Variants in NPLOC4 observed in about 807,000 individuals in gnomAD.
NPLOC4 encodes the protein NPL4 homolog, ubiquitin recognition factor, also known as nuclear protein localization protein 4 homolog.
In NPLOC4, 18 loss-of-function variants were observed where a neutral mutation model predicts 80.6. The ratio of observed to expected loss-of-function variants is 0.22; its 90% CI spans 0.15 to 0.33. The LOEUF is 0.33. Ranked by LOEUF, NPLOC4 falls within the 10% of genes least tolerant of loss-of-function variation. The probability of loss-of-function intolerance (pLI) is 1.00; values close to 1 mark genes in which losing one functional copy is unlikely to be tolerated. For missense variants in NPLOC4, 540 were observed against 786.1 expected (o/e 0.69, Z 3.74); for synonymous variants, 313 against 301.5 (o/e 1.04, Z -0.39).
chr17:81,624,802 G>C (rs2035756384), intron 2 of NPLOC4, among the ~76,000 whole-genome samples: 1 of 152,190 alleles, frequency 6.6e-6, no homozygotes, highest in Non-Finnish European at 1.5e-5. Flanking sequence ...CACGCGAGCT[G>C]GGAGAAAAGG....
Position 81,605,020 on chromosome 17 carries a change from G to A in NPLOC4, c.655-293C>T, listed in dbSNP as rs541559459. Among the ~76,000 whole-genome samples, 319 of 152,158 alleles carry A rather than the reference G, an allele frequency of 2.1e-3. 5 individuals carry two copies. Among genetic ancestry groups the A allele is most frequent in the African/African-American group, 7.5e-3 (311 of 41,516 alleles). On this transcript the variant is annotated intron_variant, in intron 7 of 16. Transcript: ENST00000331134. ...TCACGCCTGTAATCCCAGCACTTTG[G>A]GAGGCCAAGGCGGGCGGATCATGAG...
intron 7 of NPLOC4, among the ~76,000 whole-genome samples, chr17:81,605,257 G>A (rs537744367): frequency 2.0e-5 from 3 of 149,070 alleles, no homozygotes; most frequent in African/African-American, 7.4e-5. Context: ...CTCCAGCCTG[G>A]GCGACAGAGC....
chr17:81,582,907 G>C (rs1383006195), intron 12 of NPLOC4, among the ~76,000 whole-genome samples: 1 of 152,252 alleles, frequency 6.6e-6, no homozygotes, highest in Non-Finnish European at 1.5e-5. Flanking sequence ...GTGAGCCACA[G>C]CCAGCCTCCC....
intron 1 of NPLOC4, among the ~76,000 whole-genome samples, chr17:81,635,867 T>C (rs914040061): frequency 9.9e-5 from 15 of 152,218 alleles, no homozygotes; most frequent in Admixed American, 2.6e-4. Flanking sequence ...CAGTTAGTTT[T>C]TTTCCCATCA....
intron 9 of NPLOC4, among the ~76,000 whole-genome samples, chr17:81,599,293 A>AAAAT (rs2035004852): frequency 1.3e-5 from 2 of 151,970 alleles, no homozygotes; most frequent in Middle Eastern, 3.4e-3. Flanking sequence ...CTCAAAAAAA[A>AAAAT]AAAATAAAAT....
At chr17:81,566,936 T>G (rs2034028728) in intron 15 of NPLOC4, 1 of 161,868 alleles carries the variant, frequency 6.2e-6, no homozygotes, top group Non-Finnish European at 1.4e-5. Context: ...CTCTTAAAAA[T>G]GCCAACTGTG....
chr17:81,617,626 G>A (rs1045470461), intron 3 of NPLOC4, among the ~76,000 whole-genome samples: 2 of 152,018 alleles, frequency 1.3e-5, no homozygotes, highest in African/African-American at 4.8e-5. Context: ...TGGCTAACAC[G>A]GTGAGATCCC....
At chr17:81,559,806 C>T (rs1039525438) in intron 16 of NPLOC4, among the ~76,000 whole-genome samples, 4 of 146,318 alleles carry the variant, frequency 2.7e-5, no homozygotes, top group African/African-American at 7.6e-5. Flanking sequence ...GATCTCGGCT[C>T]ACTGCAACCT....
At chr17:81,563,845 A>G in intron 16 of NPLOC4, 1 of 442,244 alleles carries the variant, frequency 2.3e-6, no homozygotes, top group East Asian at 7.2e-5. Context: ...TTCTAAGCAA[A>G]CTAATGCAGG....
Position 81,620,753 on chromosome 17 carries a change from G to A in NPLOC4, c.209+1413C>T, listed in dbSNP as rs116655809. 8.9e-3 allele frequency among the ~76,000 whole-genome samples: 1,350 copies of A among 152,284 alleles called. 20 individuals are homozygous for A. Among genetic ancestry groups the A allele is most frequent in the African/African-American group, 0.03 (1,264 of 41,560 alleles). The stretch of plus-strand genomic sequence containing the variant: ...CAAGAGCAGCGGGACAAGCGTGGTC[G>A]TGAGCTGAGAGTTCCTCTGGCTGGA... On this transcript the variant is annotated intron_variant, in intron 3 of 16. Transcript: ENST00000331134.
At chr17:81,559,774 C>G (rs547521332) in intron 16 of NPLOC4, among the ~76,000 whole-genome samples, 14 of 149,478 alleles carry the variant, frequency 9.4e-5, no homozygotes, top group African/African-American at 3.5e-4. Context: ...GCTCTGTCAC[C>G]CAGGCTGGAG....
At chr17:81,629,862 A>G (rs2035886183) in intron 1 of NPLOC4, 57 bp from the exon 2 acceptor site, 3 of 1,271,010 alleles carry the variant, frequency 2.4e-6, no homozygotes, top group Non-Finnish European at 3.4e-6. Flanking sequence ...CTGATCTAAT[A>G]CTACGGCTTC....
intron 3 of NPLOC4, among the ~76,000 whole-genome samples, chr17:81,618,895 A>G (rs890608506): frequency 1.4e-4 from 22 of 152,276 alleles, no homozygotes; most frequent in Admixed American, 5.9e-4. Context: ...CTGTTGATCT[A>G]TGACCTTACC....
intron 13 of NPLOC4, among the ~76,000 whole-genome samples, chr17:81,569,996 T>TA (rs2034118763): frequency 6.6e-6 from 1 of 152,232 alleles, no homozygotes; most frequent in African/African-American, 2.4e-5. Context: ...TTAGGGGAAC[T>TA]ATTCTGGTTC....
At chr17:81,583,883 A>T (rs1055880230) in intron 12 of NPLOC4, among the ~76,000 whole-genome samples, 7 of 152,194 alleles carry the variant, frequency 4.6e-5, no homozygotes, top group Admixed American at 4.6e-4. Flanking sequence ...TCAAGAAAAT[A>T]ACAAAAAAAA....
At chr17:81,569,164 C>T (rs372900375) in intron 13 of NPLOC4, 53 bp from the exon 14 acceptor site, 4 of 1,216,876 alleles carry the variant, frequency 3.3e-6, no homozygotes, top group East Asian at 2.3e-5. Flanking sequence ...ATGGTGTGGC[C>T]GACTCCCAGC....
chr17:81,632,926 T>G (rs899924822), intron 1 of NPLOC4, among the ~76,000 whole-genome samples: 1 of 151,982 alleles, frequency 6.6e-6, no homozygotes, highest in African/African-American at 2.4e-5. Context: ...GTCAGGAGAT[T>G]GAGACCATCC....
At chr17:81,600,606 G>A (rs1018532550) in intron 8 of NPLOC4, among the ~76,000 whole-genome samples, 179 bp from the exon 9 acceptor site, 23 of 152,154 alleles carry the variant, frequency 1.5e-4, no homozygotes, top group Non-Finnish European at 2.5e-4. Context: ...TCTCCTTCTC[G>A]GGTTGTGCTG....
chr17:81,587,769 C>T (rs1378869010), intron 12 of NPLOC4, among the ~76,000 whole-genome samples: 2 of 145,714 alleles, frequency 1.4e-5, no homozygotes, highest in East Asian at 2.0e-4. Context: ...CCCAGGTTCA[C>T]GCCATTCTCC....
Sources: allele counts gnomAD v4.1 joint callset (sites outside exome capture counted in the v4.1 genomes callset), GRCh38; gene constraint gnomAD v4.1.1; transcripts MANE v1.5; gene names NCBI Gene and HGNC (gene_info 2026-07-23, HGNC 2026-07-21).